SQLE: variants seen among roughly 807,000 people sequenced by gnomAD.
SQLE encodes squalene epoxidase.
SQLE carries 29 observed loss-of-function variants against 60.7 expected under a neutral mutation model. That is an observed-to-expected ratio of 0.48 (90% CI 0.36 to 0.65). The LOEUF (loss-of-function observed/expected upper bound fraction) is 0.65, where lower values mean the gene tolerates loss of function less well. SQLE is among the 30% of genes least tolerant of loss of function. The pLI is 0.00. For missense variants in SQLE, 605 were observed against 684.1 expected, an observed-to-expected ratio of 0.88 and a Z score of 1.29; for synonymous variants, 237 against 246.8, an observed-to-expected ratio of 0.96 and a Z score of 0.37.
At chr8:125,004,337 A>C (rs974805501) in intron 2 of SQLE, among the ~76,000 whole-genome samples, 6 of 152,186 alleles carry the variant, frequency 3.9e-5, no homozygotes, top group Admixed American at 2.0e-4. Context: ...ATGTAACTTT[A>C]AAGATTATTA....
At chr8:125,017,755 C>T (rs531871862) in intron 7 of SQLE, among the ~76,000 whole-genome samples, 1 of 152,126 alleles carries the variant, frequency 6.6e-6, no homozygotes, top group South Asian at 2.1e-4. Context: ...TTTAAGGAGG[C>T]CTTACAAATG....
chr8:125,008,928 T>C (rs1369971204), intron 4 of SQLE, 43 bp from the exon 5 acceptor site: 1 of 1,369,748 alleles, frequency 7.3e-7, no homozygotes, highest in Non-Finnish European at 9.8e-7. Context: ...TTTTACTGTG[T>C]GTTTCTGACT....
At chr8:125,002,486 T>C (rs567450673) in intron 1 of SQLE, among the ~76,000 whole-genome samples, 140 of 152,290 alleles carry the variant, frequency 9.2e-4, no homozygotes, top group African/African-American at 3.2e-3. Flanking sequence ...AAGACCAGCC[T>C]GACCAACATG....
At chr8:125,018,268 G>A (rs979624899) in intron 8 of SQLE, 67 bp downstream of exon 8, 3 of 1,500,068 alleles carry the variant, frequency 2.0e-6, no homozygotes, top group Non-Finnish European at 1.8e-6. Context: ...AGAGCAGTGG[G>A]GCTCTGATGG....
chr8:125,009,146 A>C, intron 5 of SQLE, 26 bp from the exon 6 acceptor site: 2 of 1,573,840 alleles, frequency 1.3e-6, no homozygotes, highest in Non-Finnish European at 1.7e-6. Flanking sequence ...AAAATTATTA[A>C]AACATTTTCT....
At position 124,999,548 on chromosome 8, in the gene SQLE, C is replaced by A. The variant is rs867412822; in HGVS notation, c.145C>A (p.Arg49=). Residue 49 remains arginine, a synonymous_variant, in exon 1 of 11, where the codon CGA becomes AGA. Transcript: ENST00000265896. ...GLVLSYRCRH[R]NGGLLGRQQS... ...GGTGCTCTCCTACCGCTGTCGCCAC[C>A]GAAACGGGGGTCTCCTCGGGCGCCA... The A allele has an allele frequency of 3.1e-6, 5 of 1,613,184 alleles. No homozygotes were observed. Among genetic ancestry groups the A allele is most frequent in the Non-Finnish European group, 4.2e-6 (5 of 1,179,634 alleles).
intron 4 of SQLE, among the ~76,000 whole-genome samples, chr8:125,008,251 G>A (rs78153939): frequency 6.6e-6 from 1 of 152,110 alleles, no homozygotes; most frequent in East Asian, 1.9e-4. Context: ...CACCGCATCC[G>A]GCTAATTTTG....
In SQLE at chr8:125,005,692, A is replaced by G. The variant is rs2129879736; in HGVS notation, c.712A>G (p.Met238Val). The change falls in exon 3 of 11, where the codon ATG becomes GTG. Residue 238 changes from methionine (M) to valine (V), a missense_variant. Coordinates refer to ENST00000265896, the MANE Select transcript of SQLE (RefSeq NM_003129.4). The part of the protein sequence containing the change: ...RFIMSLRKAA[M>V]AEPNAKFIEG... Reference sequence around the variant, plus strand: ...CATCATGAGTCTCCGGAAAGCAGCTATGGCAGAGCCCAAGTAAGACCACAG... The same window carrying G: ...CATCATGAGTCTCCGGAAAGCAGCTGTGGCAGAGCCCAAGTAAGACCACAG... The G allele has an allele frequency of 1.3e-6, 2 of 1,594,366 alleles. No individual in the cohort carries two copies. Among genetic ancestry groups the G allele is most frequent in the Non-Finnish European group, 8.6e-7 (1 of 1,166,822 alleles).
intron 7 of SQLE, among the ~76,000 whole-genome samples, chr8:125,012,700 A>G (rs1265925052): frequency 6.6e-6 from 1 of 152,250 alleles, no homozygotes; most frequent in African/African-American, 2.4e-5. Flanking sequence ...GGTTATTACA[A>G]GCAATGCTGC....
intron 2 of SQLE, among the ~76,000 whole-genome samples, chr8:125,005,207 A>G (rs898541843): frequency 2.0e-5 from 3 of 152,100 alleles, no homozygotes; most frequent in East Asian, 1.9e-4. Flanking sequence ...ATGTGTTCCT[A>G]TGTCTTTATG....
intron 9 of SQLE, among the ~76,000 whole-genome samples, chr8:125,019,421 C>G (rs1815165178): frequency 6.6e-6 from 1 of 151,678 alleles, no homozygotes; most frequent in East Asian, 1.9e-4. Flanking sequence ...CCCATCTCTA[C>G]AAAAAATTAA....
intron 1 of SQLE, among the ~76,000 whole-genome samples, chr8:125,001,685 AAAAG>A (rs985033911): frequency 1.3e-5 from 2 of 152,076 alleles, no homozygotes; most frequent in East Asian, 1.9e-4. Context: ...TAAAAAAAAA[AAAAG>A]AATAGACAAA....
At chr8:125,020,739 C>T (rs1563601147) in intron 9 of SQLE, 45 bp from the exon 10 acceptor site, 1 of 1,211,786 alleles carries the variant, frequency 8.3e-7, no homozygotes, top group East Asian at 2.4e-5. Context: ...TAGCATCCTA[C>T]ATAAGTGTGT....
chr8:125,019,784 C>T (rs1815172752), intron 9 of SQLE, among the ~76,000 whole-genome samples: 2 of 151,926 alleles, frequency 1.3e-5, no homozygotes, highest in African/African-American at 4.8e-5. Flanking sequence ...GTGATAAGTG[C>T]TGTGGTTATA....
At chr8:125,010,829 A>G (rs527831634) in intron 6 of SQLE, 4 of 152,042 alleles carry the variant, frequency 2.6e-5, no homozygotes, top group African/African-American at 9.6e-5. Context: ...GTGCCCTGAA[A>G]TTATGGAGAG....
Position 124,999,240 on chromosome 8 carries a change from T to A in SQLE, c.-164T>A. 1 of 579,098 alleles carries A rather than the reference T, an allele frequency of 1.7e-6. No homozygotes were observed. Among genetic ancestry groups the A allele is most frequent in the Non-Finnish European group, 2.6e-6 (1 of 386,408 alleles). The allele number at this position is 579,098 out of a possible 1,614,324, so 35.9% of individuals were successfully genotyped here. On this transcript the variant is annotated 5_prime_UTR_variant, in exon 1 of 11. Transcript: ENST00000265896. ...TACTTTTACACTAACTTTATATGAT[T>A]TTTAAAAACTGGTCTGATCGGACTT...
At chr8:125,011,352 A>G (rs534738205) in intron 6 of SQLE, 185 bp from the exon 7 acceptor site, 2 of 420,898 alleles carry the variant, frequency 4.8e-6, no homozygotes, top group South Asian at 1.2e-4. Context: ...TGGCATTAAC[A>G]GCTAAGTGCT....
intron 1 of SQLE, among the ~76,000 whole-genome samples, chr8:125,002,520 A>G (rs536143970): frequency 6.6e-6 from 1 of 152,166 alleles, no homozygotes; most frequent in Non-Finnish European, 1.5e-5. Flanking sequence ...TCTACTAAAA[A>G]TACAAAATTA....
At chr8:125,004,808 G>T (rs1191296102) in intron 2 of SQLE, among the ~76,000 whole-genome samples, 2 of 151,210 alleles carry the variant, frequency 1.3e-5, no homozygotes, top group Non-Finnish European at 2.9e-5. Context: ...TCTAATTTTC[G>T]GTTGGCACTT....
Sources: allele counts gnomAD v4.1 joint callset (sites outside exome capture counted in the v4.1 genomes callset), GRCh38; gene constraint gnomAD v4.1.1; transcripts MANE v1.5; gene names NCBI Gene and HGNC (gene_info 2026-07-23, HGNC 2026-07-21).